NCOA7: variants seen among roughly 807,000 people sequenced by gnomAD.
The protein encoded by NCOA7 is nuclear receptor coactivator 7.
In NCOA7, 45 loss-of-function variants were observed where a neutral mutation model predicts 104.3. The observed-to-expected ratio is 0.43, with a 90% CI of 0.34 to 0.55. NCOA7 has a LOEUF of 0.55. Among genes scored for constraint, NCOA7 ranks in the 20% least tolerant of loss-of-function variants. NCOA7 has a pLI of 0.02. For synonymous variants in NCOA7, 398 were observed against 402.3 expected (o/e 0.99, Z 0.13); for missense variants, 1,041 against 1,119.7 (o/e 0.93, Z 1.00).
intron 1 of NCOA7, among the ~76,000 whole-genome samples, chr6:125,785,862 A>C (rs145109611): frequency 3.0e-4 from 45 of 152,348 alleles, no homozygotes; most frequent in African/African-American, 1.1e-3. Context: ...CTATGCGGAC[A>C]ACAATCCATG....
intron 2 of NCOA7, among the ~76,000 whole-genome samples, chr6:125,848,505 A>G (rs1473699013): frequency 2.0e-5 from 3 of 152,198 alleles, no homozygotes; most frequent in Non-Finnish European, 4.4e-5. Context: ...TTACAGGGAC[A>G]TGAATGAAGC....
At chr6:125,924,639 A>G (rs543059267) in intron 13 of NCOA7, among the ~76,000 whole-genome samples, 1 of 152,320 alleles carries the variant, frequency 6.6e-6, no homozygotes, top group African/African-American at 2.4e-5. Flanking sequence ...AAAAACAACA[A>G]TCACTTAAAG....
At position 125,914,778 on chromosome 6, in the gene NCOA7, G is replaced by A. The variant is rs145140931; in HGVS notation, c.2097-555G>A. On this transcript the variant is annotated intron_variant, in intron 10 of 15. Coordinates refer to ENST00000392477, the MANE Select transcript of NCOA7 (RefSeq NM_181782.5). ...TCATTCAGTAAATGTGTATAAGACA[G>A]CAGAGAAGTTGGAAGCAAAGAACAT... Among the ~76,000 whole-genome samples, 278 of 152,290 alleles carry A rather than the reference G, an allele frequency of 1.8e-3. 3 individuals carry two copies. The highest frequency in any genetic ancestry group is 6.4e-3 in the African/African-American group (268 of 41,566).
intron 1 of NCOA7, chr6:125,796,656 A>AT (rs60165713): frequency 0.048 from 6,709 of 139,994 alleles, 511 homozygotes; most frequent in African/African-American, 0.16. Context: ...TTTTTCCTCA[A>AT]TTTTTTTTTT....
chr6:125,782,608 C>T (rs1774277080), intron 1 of NCOA7, among the ~76,000 whole-genome samples: 4 of 152,172 alleles, frequency 2.6e-5, no homozygotes, highest in African/African-American at 9.7e-5. Context: ...TTTTCTTTTA[C>T]ATCATTGACC....
At chr6:125,789,810 G>A (rs1165426572), upstream of NCOA7, among the ~76,000 whole-genome samples, 8 of 152,208 alleles carry the variant, frequency 5.3e-5, no homozygotes, top group Non-Finnish European at 1.0e-4. Context: ...CAACCCAGAG[G>A]AGGCTGCTAT....
chr6:125,923,535 A>G (rs531163898), intron 13 of NCOA7, among the ~76,000 whole-genome samples: 84 of 152,304 alleles, frequency 5.5e-4, no homozygotes, highest in African/African-American at 1.9e-3. Context: ...CTCTTGCATC[A>G]TGAAAGGAAG....
chr6:125,813,068 C>G (rs756089565), intron 1 of NCOA7, among the ~76,000 whole-genome samples: 3 of 152,238 alleles, frequency 2.0e-5, no homozygotes, highest in Non-Finnish European at 4.4e-5. Context: ...TCCTCTACCT[C>G]TGCCGTCTGA....
upstream of NCOA7, among the ~76,000 whole-genome samples, chr6:125,788,690 C>G (rs1226776499): frequency 3.9e-5 from 5 of 126,794 alleles, no homozygotes; most frequent in Non-Finnish European, 8.6e-5. Context: ...ACCCACCACA[C>G]CCAGCTAATT....
At position 125,832,470 on chromosome 6, in the gene NCOA7, C is replaced by A. The variant is rs572246997; in HGVS notation, c.50+17066C>A. On this transcript the variant is annotated intron_variant, in intron 2 of 15. Coordinates refer to ENST00000392477, the MANE Select transcript of NCOA7 (RefSeq NM_181782.5). Reference sequence around the variant, plus strand: ...AGCAGTAAATTATTTTATTATTTGCCAGGCAAGAGGACACACACATGTTCA... The same window carrying A: ...AGCAGTAAATTATTTTATTATTTGCAAGGCAAGAGGACACACACATGTTCA... Among the ~76,000 whole-genome samples the A allele has an allele frequency of 2.0e-5, 3 of 152,252 alleles. No individual in the cohort carries two copies. The East Asian group carries it at 5.8e-4, about 29-fold the overall frequency.
intron 2 of NCOA7, among the ~76,000 whole-genome samples, chr6:125,841,357 G>A (rs1182359092): frequency 1.3e-5 from 2 of 152,082 alleles, no homozygotes; most frequent in Non-Finnish European, 2.9e-5. Context: ...TTTGTAGTAA[G>A]TATATTCTAT....
chr6:125,892,498 C>T (rs1784697458), intron 10 of NCOA7, among the ~76,000 whole-genome samples: 1 of 152,016 alleles, frequency 6.6e-6, no homozygotes, highest in African/African-American at 2.4e-5. Context: ...TGGTGAAACC[C>T]CATCTCTACT....
chr6:125,927,745 G>C lies in NCOA7; in HGVS notation c.2606G>C (p.Ser869Thr). Residue 869 changes from serine to threonine, a missense_variant, in exon 14 of 16, where the codon AGC (serine) becomes ACC (threonine). Ser to Thr is a moderately conservative substitution (Grantham distance 58). This residue lies in a region of NCOA7 where 127 missense variants were observed against 177.0 expected (regional missense o/e 0.72). Coordinates refer to ENST00000392477, the MANE Select transcript of NCOA7 (RefSeq NM_181782.5). ...GTGETFLYTF[S>T]PHFKVFKWSG... The stretch of plus-strand genomic sequence containing the variant: ...GGCGAAACTTTTCTCTACACATTCA[G>C]CCCTCATTTTAAGGTACCTAGATAG... The C allele has an allele frequency of 6.2e-7, 1 of 1,613,192 alleles. No homozygotes were observed. Among genetic ancestry groups the C allele is most frequent in the Non-Finnish European group, 8.5e-7 (1 of 1,179,180 alleles).
intron 2 of NCOA7, among the ~76,000 whole-genome samples, chr6:125,831,992 C>G (rs1412922882): frequency 6.6e-6 from 1 of 152,182 alleles, no homozygotes; most frequent in Non-Finnish European, 1.5e-5. Context: ...CTTCCACAGA[C>G]TCATTTGTGA....
intron 1 of NCOA7, among the ~76,000 whole-genome samples, chr6:125,803,114 C>T (rs1776062406): frequency 6.6e-6 from 1 of 152,172 alleles, no homozygotes; most frequent in South Asian, 2.1e-4. Context: ...GGGGATAAGA[C>T]TGTTTCTGGT....
At chr6:125,801,122 T>A (rs527889156) in intron 1 of NCOA7, among the ~76,000 whole-genome samples, 1 of 152,310 alleles carries the variant, frequency 6.6e-6, no homozygotes, top group African/African-American at 2.4e-5. Context: ...AGTGTAAAAT[T>A]GCTATAGAAA....
At chr6:125,919,315 T>C (rs1787359354) in intron 11 of NCOA7, 1 of 1,612,734 alleles carries the variant, frequency 6.2e-7, no homozygotes, top group Admixed American at 1.7e-5. Flanking sequence ...AGAGAAAACT[T>C]GTTCCTCATT....
intron 2 of NCOA7, among the ~76,000 whole-genome samples, chr6:125,849,699 T>C (rs1780952615): frequency 6.6e-6 from 1 of 152,116 alleles, no homozygotes; most frequent in African/African-American, 2.4e-5. Flanking sequence ...GTGGGAAAGA[T>C]AGGATTAGAA....
chr6:125,823,629 A>G (rs1327382776), intron 2 of NCOA7, among the ~76,000 whole-genome samples: 2 of 152,220 alleles, frequency 1.3e-5, no homozygotes, highest in Non-Finnish European at 2.9e-5. Context: ...TAATGTTTTC[A>G]GGAAATCATT....
Sources: allele counts gnomAD v4.1 joint callset (sites outside exome capture counted in the v4.1 genomes callset), GRCh38; gene constraint gnomAD v4.1.1; regional missense constraint gnomAD v4.1.1; transcripts MANE v1.5; gene names NCBI Gene and HGNC (gene_info 2026-07-23, HGNC 2026-07-21).